Variants in ZNF385D observed in about 807,000 individuals in gnomAD.
ZNF385D encodes zinc finger protein 659.
Under a neutral mutation model 35.8 loss-of-function variants are expected in ZNF385D, and 15 were observed. The ratio of observed to expected loss-of-function variants is 0.42; its 90% CI spans 0.28 to 0.64. The LOEUF (loss-of-function observed/expected upper bound fraction) is 0.64. ZNF385D is among the 30% of genes least tolerant of loss of function. The pLI is 0.23. For missense variants in ZNF385D, 474 were observed against 494.6 expected, an observed-to-expected ratio of 0.96 and a Z score of 0.39; for synonymous variants, 212 against 186.8, an observed-to-expected ratio of 1.13 and a Z score of -1.10.
At chr3:21,672,928 G>A (rs1459720330) in intron 1 of ZNF385D, among the ~76,000 whole-genome samples, 1 of 152,092 alleles carries the variant, frequency 6.6e-6, no homozygotes, top group East Asian at 1.9e-4. Flanking sequence ...TATGTTAGGA[G>A]TATCAGGCAA....
chr3:21,744,065 C>T (rs375810587), intron 1 of ZNF385D, among the ~76,000 whole-genome samples: 3 of 152,152 alleles, frequency 2.0e-5, no homozygotes, highest in African/African-American at 7.2e-5. Context: ...GTAAAGAGCA[C>T]TGAAGTAAGT....
chr3:21,543,162 A>G (rs906761211), intron 3 of ZNF385D, among the ~76,000 whole-genome samples: 21 of 152,124 alleles, frequency 1.4e-4, no homozygotes, highest in Admixed American at 1.2e-3. Context: ...AAATACAAAA[A>G]TAAGCCGGTG....
intron 1 of ZNF385D, among the ~76,000 whole-genome samples, chr3:21,739,598 CA>C (rs2069412100): frequency 3.9e-5 from 6 of 152,132 alleles, no homozygotes; most frequent in Admixed American, 3.9e-4. Context: ...AACAAAAAAA[CA>C]TTAGTATTGA....
At chr3:22,111,810 CAT>C (rs1172770915) in intron 3 of ZNF385D, among the ~76,000 whole-genome samples, 1 of 152,090 alleles carries the variant, frequency 6.6e-6, no homozygotes, top group African/African-American at 2.4e-5. Context: ...AACAGTGAAA[CAT>C]AGAGCTAACT....
chr3:22,114,387 T>C (rs977057465), intron 3 of ZNF385D, among the ~76,000 whole-genome samples: 1 of 152,156 alleles, frequency 6.6e-6, no homozygotes, highest in Non-Finnish European at 1.5e-5. Context: ...CATCTACCTA[T>C]CCATTTGTTC....
intron 2 of ZNF385D, among the ~76,000 whole-genome samples, chr3:22,348,111 CTA>C (rs1695742007): frequency 6.6e-6 from 1 of 151,968 alleles, no homozygotes; most frequent in Non-Finnish European, 1.5e-5. Flanking sequence ...TTCAAGGAGC[CTA>C]TATTAATAGG....
chr3:22,351,242 T>C (rs1409350399), intron 2 of ZNF385D, among the ~76,000 whole-genome samples: 1 of 152,146 alleles, frequency 6.6e-6, no homozygotes, highest in African/African-American at 2.4e-5. Context: ...CCAAGCTAAA[T>C]GAATATGCTG....
Position 21,798,035 on chromosome 3 carries a change from A to G in ZNF385D, c.326-133007T>C, listed in dbSNP as rs79379060. Among the ~76,000 whole-genome samples the G allele has an allele frequency of 5.2e-3, 795 of 152,320 alleles. 6 individuals are homozygous for G. The highest frequency in any genetic ancestry group is 0.017 in the African/African-American group (713 of 41,574). On this transcript the variant is annotated intron_variant, in intron 3 of 5. Transcript: ENST00000494108. ...TGTAGTGTAAACTATGGACACTGGC[A>G]ACAATGATGTGTCAATGCAAGTTCA...
At chr3:21,700,644 G>C (rs1271032094) in intron 1 of ZNF385D, among the ~76,000 whole-genome samples, 5 of 152,098 alleles carry the variant, frequency 3.3e-5, no homozygotes, top group African/African-American at 1.2e-4. Flanking sequence ...TCATTTACTG[G>C]TGTGTAAAAC....
At chr3:22,107,404 G>C (rs985889354) in intron 3 of ZNF385D, among the ~76,000 whole-genome samples, 39 of 151,882 alleles carry the variant, frequency 2.6e-4, no homozygotes, top group Admixed American at 2.6e-3. Flanking sequence ...TGAGAGTCAG[G>C]ACTGTAAAAT....
At chr3:21,821,444 A>T (rs1395434386) in intron 3 of ZNF385D, among the ~76,000 whole-genome samples, 1 of 152,206 alleles carries the variant, frequency 6.6e-6, no homozygotes, top group East Asian at 1.9e-4. Context: ...TGACAAATAC[A>T]TGATACTTAG....
chr3:21,496,085 C>G (rs1241929384), intron 4 of ZNF385D, among the ~76,000 whole-genome samples: 4 of 151,686 alleles, frequency 2.6e-5, no homozygotes, highest in African/African-American at 4.8e-5. Flanking sequence ...AAGCCCAGGA[C>G]CAGGGAAATT....
rs999741330 is a variant in ZNF385D, at chr3:21,555,173, G to A, written c.276+9401C>T. Among the ~76,000 whole-genome samples the A allele has an allele frequency of 4.0e-5, 6 of 150,694 alleles. No individual in the cohort carries two copies. In the South Asian group the frequency reaches 6.3e-4, roughly 16 times the overall value. On this transcript the variant is annotated intron_variant, in intron 3 of 7. Coordinates refer to ENST00000281523, the MANE Select transcript of ZNF385D (RefSeq NM_024697.3). ...TGGTTTTTGATGTAAATGAAAAGAT[G>A]TGTGACTCTTTCTTTCACTTGAACA...
At chr3:21,878,642 G>A (rs1698108744) in intron 3 of ZNF385D, among the ~76,000 whole-genome samples, 2 of 152,080 alleles carry the variant, frequency 1.3e-5, no homozygotes, top group African/African-American at 4.8e-5. Context: ...AAACAGCACT[G>A]TAATGAAACA....
At chr3:21,584,379 T>C (rs75142771) in intron 2 of ZNF385D, among the ~76,000 whole-genome samples, 2 of 152,212 alleles carry the variant, frequency 1.3e-5, no homozygotes, top group Non-Finnish European at 2.9e-5. Context: ...ACTTTAAAAT[T>C]TGAAAGCTAA....
intron 3 of ZNF385D, among the ~76,000 whole-genome samples, chr3:21,908,518 T>C (rs1054547232): frequency 1.3e-5 from 2 of 152,072 alleles, no homozygotes; most frequent in Non-Finnish European, 2.9e-5. Flanking sequence ...TTGGAAACAC[T>C]GTAACAGGCT....
chr3:21,839,676 C>T (rs556025688), intron 3 of ZNF385D, among the ~76,000 whole-genome samples: 1 of 152,070 alleles, frequency 6.6e-6, no homozygotes, highest in Non-Finnish European at 1.5e-5. Context: ...GACCACATCA[C>T]TTTGCCTTCA....
At chr3:21,434,636 T>TG (rs999582815) in intron 5 of ZNF385D, among the ~76,000 whole-genome samples, 1 of 152,130 alleles carries the variant, frequency 6.6e-6, no homozygotes, top group Non-Finnish European at 1.5e-5. Context: ...AGATCAAAAA[T>TG]GGTGGACAGA....
At chr3:21,693,067 T>C (rs549595846) in intron 1 of ZNF385D, among the ~76,000 whole-genome samples, 5 of 152,330 alleles carry the variant, frequency 3.3e-5, no homozygotes, top group Non-Finnish European at 2.9e-5. Context: ...ACAGACAACT[T>C]TGTACCCAGA....
Sources: gnomAD v4.1 joint callset for allele counts (sites outside exome capture counted in the v4.1 genomes callset) on GRCh38, gnomAD v4.1.1 for gene constraint, MANE v1.5 for transcripts, NCBI Gene and HGNC (gene_info 2026-07-23, HGNC 2026-07-21) for gene names.